The following TMPRSS2 variants were observed in gnomAD, a reference collection of about 807,000 sequenced individuals.
The protein encoded by TMPRSS2 is transmembrane protease serine 2.
Under a neutral mutation model 67.4 loss-of-function variants are expected in TMPRSS2, and 59 were observed. The observed-to-expected ratio is 0.88, with a 90% CI of 0.71 to 1.09. The LOEUF is 1.09. Ranked by LOEUF, TMPRSS2 falls within the 50% of genes least tolerant of loss-of-function variation. TMPRSS2 has a pLI of 0.00. For missense variants in TMPRSS2, 668 were observed against 642.7 expected (o/e 1.04, Z -0.43); for synonymous variants, 257 against 257.0 (o/e 1.00, Z 0.00).
chr21:41,506,736 C>G (rs2091460613), intron 1 of TMPRSS2: 1 of 152,386 alleles, frequency 6.6e-6, no homozygotes, highest in African/African-American at 2.4e-5. Context: ...TCCCAGATCT[C>G]CTGGGACAGG....
chr21:41,488,416 G>A lies in TMPRSS2; in HGVS notation c.423C>T (p.Gly141=), dbSNP rs527435310. The change falls in exon 5 of 14, where the codon GGC becomes GGT. Residue 141 remains glycine, a synonymous_variant. Coordinates refer to ENST00000332149, the MANE Select transcript of TMPRSS2 (RefSeq NM_005656.4). ...NWCDGVSHCP[G]GEDENRCVRL... ...CACCACACCGATTCTCGTCCTCCCCGCCGGGGCAGTGTGACACGCCATCAC... is the reference window on the plus strand; with the variant it reads ...CACCACACCGATTCTCGTCCTCCCCACCGGGGCAGTGTGACACGCCATCAC... The A allele has an allele frequency of 1.1e-4, 172 of 1,613,126 alleles. No homozygotes were observed. Among genetic ancestry groups the A allele is most frequent in the Non-Finnish European group, 1.4e-4 (162 of 1,179,504 alleles).
rs570467504 is a variant in TMPRSS2 at position 41,468,117 on chromosome 21, T to C, written c.1315-231A>G. ...TTCAAGCTAAAAGTTACTAAATAAA[T>C]TGCCGTTCATAATTTAAAATAGTCT... On this transcript the variant is annotated intron_variant, in intron 12 of 13. Transcript: ENST00000332149. 14 of 613,350 alleles carry C rather than the reference T, an allele frequency of 2.3e-5. No individual in the cohort carries two copies. In the South Asian group the frequency reaches 2.9e-4, roughly 13 times the overall value. The allele number at this position is 613,350 out of a possible 1,614,324, so 38.0% of individuals were successfully genotyped here. A position where few individuals can be genotyped will look rare whatever the true frequency, so the allele number is the denominator to read the frequency against.
rs760510847 is a variant in TMPRSS2, at chr21:41,478,556, C to A, written c.683+616G>T. Reference sequence around the variant, plus strand: ...TAAGTCCATCCCCTCTTCTGCCCTCCCAGCCAGGTCAGCCACTCATCATGT... The same window carrying A: ...TAAGTCCATCCCCTCTTCTGCCCTCACAGCCAGGTCAGCCACTCATCATGT... On this transcript the variant is annotated intron_variant, in intron 7 of 13. Coordinates refer to ENST00000332149, the MANE Select transcript of TMPRSS2 (RefSeq NM_005656.4). This position sits in a 1 kb window ranked among gnomAD's most constrained non-coding sequence, Gnocchi z 4.0. 5.9e-5 allele frequency among the ~76,000 whole-genome samples: 9 copies of A among 152,208 alleles called. No individual in the cohort carries two copies. The highest frequency in any genetic ancestry group is 1.2e-4 in the Non-Finnish European group (8 of 68,040).
chr21:41,472,722 A>G (rs1472111305), intron 9 of TMPRSS2, among the ~76,000 whole-genome samples: 2 of 152,178 alleles, frequency 1.3e-5, no homozygotes, highest in Non-Finnish European at 2.9e-5. Flanking sequence ...CAACAGTCAA[A>G]CCCAGTTCAG....
intron 10 of TMPRSS2, among the ~76,000 whole-genome samples, chr21:41,471,063 C>T (rs956100704): frequency 1.3e-5 from 2 of 152,238 alleles, no homozygotes. Flanking sequence ...GCCAAAAAGC[C>T]GATGGAGTCA....
intron 5 of TMPRSS2, among the ~76,000 whole-genome samples, chr21:41,483,135 C>T (rs767673692): frequency 2.0e-5 from 3 of 152,152 alleles, no homozygotes; most frequent in Non-Finnish European, 4.4e-5. Flanking sequence ...TGTTAATGAA[C>T]GCACAGCACT....
chr21:41,490,535 C>T (rs955132220), intron 3 of TMPRSS2, among the ~76,000 whole-genome samples: 1 of 152,204 alleles, frequency 6.6e-6, no homozygotes, highest in Non-Finnish European at 1.5e-5. Context: ...TGGACAGCGC[C>T]AGTGCAGGCC....
At chr21:41,471,762 T>G (rs1213635704) in intron 10 of TMPRSS2, 44 bp downstream of exon 10, 1 of 1,542,102 alleles carries the variant, frequency 6.5e-7, no homozygotes. Flanking sequence ...CAACATCTCT[T>G]TAAGATTCTG....
At chr21:41,476,210 G>A (rs551442787) in intron 8 of TMPRSS2, among the ~76,000 whole-genome samples, 111 of 152,276 alleles carry the variant, frequency 7.3e-4, no homozygotes, top group African/African-American at 1.9e-3. Context: ...CCACAGCCCC[G>A]CAGATGCTCC....
At chr21:41,499,433 C>T (rs1355888987) in intron 1 of TMPRSS2, among the ~76,000 whole-genome samples, 1 of 152,200 alleles carries the variant, frequency 6.6e-6, no homozygotes, top group African/African-American at 2.4e-5. Flanking sequence ...TAGCAAAAAA[C>T]CTTGCTCAGT....
intron 1 of TMPRSS2, 150 bp downstream of exon 1, chr21:41,507,931 G>C (rs760655650): frequency 9.4e-5 from 140 of 1,490,766 alleles, no homozygotes; most frequent in East Asian, 1.2e-4. Flanking sequence ...CCCAGCGCTC[G>C]ACCCTCGGGC....
intron 9 of TMPRSS2, among the ~76,000 whole-genome samples, chr21:41,472,916 G>A (rs984137169): frequency 2.6e-5 from 4 of 152,162 alleles, no homozygotes; most frequent in Admixed American, 2.0e-4. Flanking sequence ...GGCCAAGAAC[G>A]CTTAACCCCA....
At chr21:41,498,549 G>A (rs1231257038) in intron 1 of TMPRSS2, among the ~76,000 whole-genome samples, 1 of 152,190 alleles carries the variant, frequency 6.6e-6, no homozygotes, top group Non-Finnish European at 1.5e-5. Context: ...GGGACTGCCT[G>A]GGGCTCAAGG....
chr21:41,503,956 T>A (rs2091440437), intron 1 of TMPRSS2, among the ~76,000 whole-genome samples: 1 of 152,080 alleles, frequency 6.6e-6, no homozygotes, highest in East Asian at 1.9e-4. Flanking sequence ...TGCAGTGGGG[T>A]CAGGCTGAGT....
At chr21:41,472,130 G>A (rs7364083) in intron 9 of TMPRSS2, 149 bp from the exon 10 acceptor site, 348,643 of 623,810 alleles carry the variant, frequency 0.56, 100,651 homozygotes, top group African/African-American at 0.81. Flanking sequence ...AGAGGTGCTC[G>A]GTCTCCCCTT....
In TMPRSS2 at chr21:41,465,173, G is replaced by A. The variant is rs1299407689; in HGVS notation, c.*969C>T. ...ATGATACAGTTTCAAAGAGTTAAATGAAGGTGGACTACTTGGAGACATCAA... is the reference window on the plus strand; with the variant it reads ...ATGATACAGTTTCAAAGAGTTAAATAAAGGTGGACTACTTGGAGACATCAA... On this transcript the variant is annotated 3_prime_UTR_variant, in exon 14 of 14. Transcript: ENST00000332149. The A allele has an allele frequency of 4.3e-6, 1 of 233,672 alleles. No individual in the cohort carries two copies. The highest frequency in any genetic ancestry group is 6.0e-5 in the East Asian group (1 of 16,612). 14.5% of individuals were successfully genotyped at this position (233,672 alleles called of 1,614,324 possible).
chr21:41,482,094 T>C (rs1333492672), intron 5 of TMPRSS2, among the ~76,000 whole-genome samples: 1 of 145,520 alleles, frequency 6.9e-6, no homozygotes, highest in African/African-American at 2.5e-5. Flanking sequence ...AGATAAAAGG[T>C]TTTTTTTTTT....
chr21:41,477,710 C>G (rs940698957), intron 7 of TMPRSS2, among the ~76,000 whole-genome samples: 1 of 152,112 alleles, frequency 6.6e-6, no homozygotes, highest in Non-Finnish European at 1.5e-5. Flanking sequence ...AGACATGTCC[C>G]CTTTAAGAGA....
At chr21:41,488,960 G>A (rs1230361255) in intron 4 of TMPRSS2, among the ~76,000 whole-genome samples, 4 of 152,150 alleles carry the variant, frequency 2.6e-5, no homozygotes, top group South Asian at 4.1e-4. Context: ...CTTTAATAAG[G>A]AGGAGAAGTG....
Sources: gnomAD v4.1 joint callset for allele counts (sites outside exome capture counted in the v4.1 genomes callset) on GRCh38, gnomAD v4.1.1 for gene constraint, Gnocchi (gnomAD v3.1) non-coding constraint, MANE v1.5 for transcripts, NCBI Gene and HGNC (gene_info 2026-07-23, HGNC 2026-07-21) for gene names.